CCDC169: variants seen among roughly 807,000 people sequenced by gnomAD.
The protein encoded by CCDC169 is coiled-coil domain containing 169.
A neutral mutation model predicts 36.0 loss-of-function variants in CCDC169; 30 were observed. The observed-to-expected ratio is 0.83, with a 90% CI of 0.62 to 1.13. CCDC169 has a LOEUF of 1.13. Ranked by LOEUF, CCDC169 falls within the 50% of genes most tolerant of loss-of-function variation. The pLI is 0.00. For synonymous variants in CCDC169, 85 were observed against 81.5 expected (o/e 1.04, Z -0.23); for missense variants, 245 against 245.9 (o/e 1.00, Z 0.03).
intron 4 of CCDC169, among the ~76,000 whole-genome samples, chr13:36,273,342 T>G (rs1456502904): frequency 1.3e-5 from 2 of 152,194 alleles, no homozygotes; most frequent in African/African-American, 4.8e-5. Flanking sequence ...TTACATTTGT[T>G]ATTGGATTTT....
chr13:36,227,248 G>T, downstream of CCDC169: 3 of 1,551,138 alleles, frequency 1.9e-6, no homozygotes, highest in Non-Finnish European at 2.6e-6. Context: ...GAGGACCCAT[G>T]TAAGCAGGCG....
At chr13:36,241,112 G>C (rs1185244678) in intron 7 of CCDC169, among the ~76,000 whole-genome samples, 2 of 152,068 alleles carry the variant, frequency 1.3e-5, no homozygotes, top group Admixed American at 6.6e-5. Flanking sequence ...CTTTCTGCTA[G>C]ATTTTTAAAA....
intron 4 of CCDC169, among the ~76,000 whole-genome samples, chr13:36,281,750 T>C (rs1410694148): frequency 1.3e-5 from 2 of 152,080 alleles, no homozygotes; most frequent in African/African-American, 2.4e-5. Context: ...TAGTCCCAGC[T>C]ATTCAGGAGG....
chr13:36,251,471 T>C (rs1304200587), intron 6 of CCDC169, among the ~76,000 whole-genome samples: 2 of 152,168 alleles, frequency 1.3e-5, no homozygotes, highest in Non-Finnish European at 2.9e-5. Flanking sequence ...GGAGTCAGAG[T>C]AGGATTATTT....
chr13:36,229,345 A>G (rs1166323641), downstream of CCDC169, among the ~76,000 whole-genome samples: 3 of 152,088 alleles, frequency 2.0e-5, no homozygotes, highest in Non-Finnish European at 4.4e-5. Flanking sequence ...ATGGTATCTG[A>G]AAAGTATCCC....
At chr13:36,261,613 A>G (rs985382753) in intron 4 of CCDC169, among the ~76,000 whole-genome samples, 1 of 152,194 alleles carries the variant, frequency 6.6e-6, no homozygotes, top group Non-Finnish European at 1.5e-5. Context: ...CTGGACACTC[A>G]ACTGGTTGAT....
At chr13:36,289,857 C>G (rs1253406218) in intron 2 of CCDC169, among the ~76,000 whole-genome samples, 1 of 151,992 alleles carries the variant, frequency 6.6e-6, no homozygotes, top group Non-Finnish European at 1.5e-5. Flanking sequence ...TGTTTTGAGC[C>G]CTTTAACATT....
intron 4 of CCDC169, among the ~76,000 whole-genome samples, chr13:36,281,659 C>G (rs1026183513): frequency 1.5e-4 from 23 of 152,152 alleles, no homozygotes; most frequent in African/African-American, 2.9e-4. Flanking sequence ...CTCAGGAGTT[C>G]GAGACCAGCC....
At chr13:36,280,894 C>T (rs1877432984) in intron 4 of CCDC169, 1 of 153,362 alleles carries the variant, frequency 6.5e-6, no homozygotes, top group Non-Finnish European at 1.5e-5. Context: ...ACAATCCACT[C>T]TTCTCTTCTT....
At chr13:36,280,755 A>G (rs1877408559) in intron 4 of CCDC169, 1 of 152,152 alleles carries the variant, frequency 6.6e-6, no homozygotes, top group South Asian at 2.1e-4. Flanking sequence ...TATACCTTTT[A>G]TTTTCCAAAT....
chr13:36,236,917 G>A (rs1231076927), intron 7 of CCDC169, among the ~76,000 whole-genome samples: 5 of 151,884 alleles, frequency 3.3e-5, no homozygotes, highest in Non-Finnish European at 5.9e-5. Context: ...ACATAAAACG[G>A]TGTCATATTT....
intron 4 of CCDC169, among the ~76,000 whole-genome samples, chr13:36,265,562 A>C (rs952071762): frequency 3.9e-5 from 6 of 152,218 alleles, no homozygotes; most frequent in African/African-American, 7.2e-5. Context: ...AGGCTGGCAA[A>C]TTAAAGAGAG....
chr13:36,275,338 C>T (rs1231286799), intron 4 of CCDC169, among the ~76,000 whole-genome samples: 1 of 152,100 alleles, frequency 6.6e-6, no homozygotes, highest in Non-Finnish European at 1.5e-5. Flanking sequence ...AATGAAAGAA[C>T]ACAGCCTTCT....
At chr13:36,297,089 A>G (rs559143090) in intron 1 of CCDC169, among the ~76,000 whole-genome samples, 1 of 152,226 alleles carries the variant, frequency 6.6e-6, no homozygotes, top group Non-Finnish European at 1.5e-5. Context: ...ATCTAGGCAC[A>G]AAGGAGAGTC....
At chr13:36,272,389 C>T (rs1173954685) in intron 4 of CCDC169, among the ~76,000 whole-genome samples, 1 of 152,096 alleles carries the variant, frequency 6.6e-6, no homozygotes, top group Non-Finnish European at 1.5e-5. Context: ...GAGAATAGCC[C>T]TTAGGAAGTA....
intron 4 of CCDC169, among the ~76,000 whole-genome samples, chr13:36,279,007 T>A (rs1157989129): frequency 2.0e-5 from 3 of 152,152 alleles, no homozygotes; most frequent in Non-Finnish European, 2.9e-5. Context: ...TCTCTTGCAG[T>A]CTTACCCAAT....
At chr13:36,283,404 C>T (rs964605830) in intron 4 of CCDC169, 65 bp downstream of exon 4, 42 of 1,427,416 alleles carry the variant, frequency 2.9e-5, no homozygotes, top group South Asian at 6.5e-5. Flanking sequence ...CTTTGAAATA[C>T]GTCTGGAAAA....
intron 7 of CCDC169, among the ~76,000 whole-genome samples, chr13:36,244,228 C>G (rs924888958): frequency 6.6e-6 from 1 of 152,138 alleles, no homozygotes; most frequent in Non-Finnish European, 1.5e-5. Context: ...GTAAACAGTT[C>G]CCTACACAGA....
At chr13:36,239,464 G>A (rs1406517658) in intron 7 of CCDC169, among the ~76,000 whole-genome samples, 1 of 152,048 alleles carries the variant, frequency 6.6e-6, no homozygotes, top group Non-Finnish European at 1.5e-5. Context: ...GCAAGTTTAT[G>A]TTATTAATAG....
Sources: gnomAD v4.1 joint callset for allele counts (sites outside exome capture counted in the v4.1 genomes callset) on GRCh38, gnomAD v4.1.1 for gene constraint, MANE v1.5 for transcripts, NCBI Gene and HGNC (gene_info 2026-07-23, HGNC 2026-07-21) for gene names.